The following CLYBL variants were observed in gnomAD, a reference collection of about 807,000 sequenced individuals.
CLYBL encodes the protein citramalyl-CoA lyase, mitochondrial.
Under a neutral mutation model 38.9 loss-of-function variants are expected in CLYBL, and 31 were observed. The ratio of observed to expected loss-of-function variants is 0.80; its 90% CI spans 0.60 to 1.08. The LOEUF (loss-of-function observed/expected upper bound fraction) is 1.08. Ranked by LOEUF, CLYBL falls within the 50% of genes least tolerant of loss-of-function variation. The pLI is 0.00. For synonymous variants in CLYBL, 171 were observed against 158.6 expected (o/e 1.08, Z -0.59); for missense variants, 434 against 411.6 (o/e 1.05, Z -0.47).
intron 2 of CLYBL, among the ~76,000 whole-genome samples, chr13:99,802,808 A>T (rs971655027): frequency 2.0e-5 from 3 of 152,152 alleles, no homozygotes; most frequent in Admixed American, 2.0e-4. Flanking sequence ...TTCCAGGACT[A>T]CTCAGACTCA....
chr13:99,720,333 G>C (rs2048375725), intron 1 of CLYBL, among the ~76,000 whole-genome samples: 1 of 151,974 alleles, frequency 6.6e-6, no homozygotes, highest in Admixed American at 6.6e-5. Context: ...CGTATTCCCT[G>C]TGTAGCATGT....
chr13:99,644,210 A>T (rs34969571), intron 1 of CLYBL, among the ~76,000 whole-genome samples: 3 of 139,796 alleles, frequency 2.1e-5, no homozygotes, highest in African/African-American at 8.1e-5. Context: ...GTGTATGTGT[A>T]TATGTGGTGT....
rs186449980 is a variant in CLYBL, at chr13:99,770,359, C to T, written c.63-2465C>T. ...TTGAGACGGAGTCTCGCTCTGTCAC[C>T]CAGGGTAGAGTACAGTGGCGCAATC... On this transcript the variant is annotated intron_variant, in intron 1 of 8. Coordinates refer to ENST00000339105, the MANE Select transcript of CLYBL (RefSeq NM_206808.5). Among the ~76,000 whole-genome samples, 11 of 152,134 alleles carry T rather than the reference C, an allele frequency of 7.2e-5. No individual in the cohort carries two copies. The East Asian group carries it at 2.1e-3, about 29-fold the overall frequency.
chr13:99,621,471 G>C (rs1419854622), intron 1 of CLYBL, among the ~76,000 whole-genome samples: 1 of 152,096 alleles, frequency 6.6e-6, no homozygotes, highest in Non-Finnish European at 1.5e-5. Flanking sequence ...ACCCTTCCCT[G>C]TGTTAAGGTG....
chr13:99,888,697 C>G (rs941380457), intron 7 of CLYBL, among the ~76,000 whole-genome samples: 1 of 151,954 alleles, frequency 6.6e-6, no homozygotes, highest in Non-Finnish European at 1.5e-5. Context: ...TGCAGTGAGC[C>G]GAGGTAACAC....
intron 2 of CLYBL, among the ~76,000 whole-genome samples, chr13:99,794,385 A>T (rs1175378811): frequency 1.3e-5 from 2 of 152,012 alleles, no homozygotes; most frequent in African/African-American, 4.8e-5. Flanking sequence ...GCACCACTGC[A>T]CTCCAGCGTG....
At position 99,797,560 on chromosome 13, in the gene CLYBL, T is replaced by TTGTG. The variant is rs3033584; in HGVS notation, c.249+24578_249+24581dup. On this transcript the variant is annotated intron_variant, in intron 2 of 8. Coordinates refer to ENST00000339105, the MANE Select transcript of CLYBL (RefSeq NM_206808.5). Reference sequence around the variant, plus strand: ...TTTCTGTGTCTGCCATGTTAGCTGTTTGTGTGTGTGTGTGTGTGTGTGTGT... The same window carrying TTGTG: ...TTTCTGTGTCTGCCATGTTAGCTGTTTGTGTGTGTGTGTGTGTGTGTGTGTGTGT... Among the ~76,000 whole-genome samples, 306 of 141,812 alleles carry TTGTG rather than the reference T, an allele frequency of 2.2e-3. 1 individual carries two copies. Among genetic ancestry groups the TTGTG allele is most frequent in the South Asian group, 2.8e-3 (12 of 4,224 alleles). The allele number at this position is 141,812 out of a possible 152,430, so 93.0% of individuals were successfully genotyped here. A position where few individuals can be genotyped will look rare whatever the true frequency, so the allele number is the denominator to read the frequency against.
At chr13:99,742,854 G>C (rs1456801570) in intron 1 of CLYBL, among the ~76,000 whole-genome samples, 3 of 152,052 alleles carry the variant, frequency 2.0e-5, no homozygotes, top group Non-Finnish European at 4.4e-5. Context: ...GGGACTGTTT[G>C]GTTTGGAAAA....
At chr13:99,784,744 G>A (rs536781377) in intron 2 of CLYBL, among the ~76,000 whole-genome samples, 53 of 151,428 alleles carry the variant, frequency 3.5e-4, no homozygotes, top group Non-Finnish European at 7.7e-4. Flanking sequence ...GTAGGCCACC[G>A]TGCCCAGCTG....
chr13:99,611,844 G>A (rs895386826), intron 1 of CLYBL, among the ~76,000 whole-genome samples: 1 of 152,188 alleles, frequency 6.6e-6, no homozygotes, highest in African/African-American at 2.4e-5. Flanking sequence ...TATCTTTGAA[G>A]GACTATGTCC....
chr13:99,901,721 G>A (rs1305406199), downstream of CLYBL, among the ~76,000 whole-genome samples: 2 of 150,756 alleles, frequency 1.3e-5, no homozygotes, highest in African/African-American at 2.4e-5. Context: ...GTCCAGTGGC[G>A]CAATTTCAGC....
Position 99,865,111 on chromosome 13 carries a change from ACT to A in CLYBL, c.634+201_634+202del, listed in dbSNP as rs2051710303. The A allele has an allele frequency of 6.5e-6, 4 of 613,348 alleles. No homozygotes were observed. The highest frequency in any genetic ancestry group is 3.7e-5 in the African/African-American group (2 of 54,592). The allele number at this position is 613,348 out of a possible 1,614,324, so 38.0% of individuals were successfully genotyped here. A position where few individuals can be genotyped will look rare whatever the true frequency, so the allele number is the denominator to read the frequency against. On this transcript the variant is annotated intron_variant, in intron 5 of 8. Transcript: ENST00000339105. This position sits in a 1 kb window ranked among gnomAD's most constrained non-coding sequence, Gnocchi z 4.7. Reference sequence around the variant, plus strand: ...CTCATAGCTGCCCTGCTTCTAGAGCACTGCATTATTACTTCTGTTCATTTATA... The same window carrying A: ...CTCATAGCTGCCCTGCTTCTAGAGCAGCATTATTACTTCTGTTCATTTATA...
Position 99,813,390 on chromosome 13 carries a change from T to G in CLYBL, c.249+40380T>G, listed in dbSNP as rs190232260. Among the ~76,000 whole-genome samples the G allele has an allele frequency of 1.9e-3, 285 of 152,362 alleles. 2 individuals are homozygous for G. Among genetic ancestry groups the G allele is most frequent in the South Asian group, 9.9e-3 (48 of 4,830 alleles). ...TCAAGTGCAAGAACAGTAATACTAG[T>G]ATTTATTTAGTACTTTGCATTTCTG... On this transcript the variant is annotated intron_variant, in intron 2 of 8. Coordinates refer to ENST00000339105, the MANE Select transcript of CLYBL (RefSeq NM_206808.5).
intron 1 of CLYBL, among the ~76,000 whole-genome samples, chr13:99,607,535 G>T (rs1193907370): frequency 6.6e-6 from 1 of 152,176 alleles, no homozygotes; most frequent in Non-Finnish European, 1.5e-5. Flanking sequence ...AGAACCGCTG[G>T]TCTAGCACTT....
chr13:99,664,252 A>G (rs930807476), intron 1 of CLYBL, among the ~76,000 whole-genome samples: 2 of 152,254 alleles, frequency 1.3e-5, no homozygotes, highest in Non-Finnish European at 2.9e-5. Flanking sequence ...CTTTAAGGAA[A>G]ATAAAGGTTA....
chr13:99,851,102 G>T (rs2051318471), intron 2 of CLYBL, among the ~76,000 whole-genome samples: 1 of 152,122 alleles, frequency 6.6e-6, no homozygotes, highest in Admixed American at 6.5e-5. Flanking sequence ...GCCAGGTGTG[G>T]TGGCTCATGC....
chr13:99,876,245 C>A (rs1266637832), intron 7 of CLYBL, among the ~76,000 whole-genome samples: 9 of 150,756 alleles, frequency 6.0e-5, no homozygotes, highest in Non-Finnish European at 1.3e-4. Flanking sequence ...CATAGTAAAA[C>A]CCCGTCTCTA....
intron 1 of CLYBL, among the ~76,000 whole-genome samples, chr13:99,618,973 C>T (rs1016625131): frequency 6.6e-6 from 1 of 152,140 alleles, no homozygotes; most frequent in African/African-American, 2.4e-5. Context: ...ATTTGAGTAT[C>T]ACTGCCACCT....
At chr13:99,826,100 C>A (rs1343988396) in intron 2 of CLYBL, among the ~76,000 whole-genome samples, 1 of 152,172 alleles carries the variant, frequency 6.6e-6, no homozygotes, top group Non-Finnish European at 1.5e-5. Flanking sequence ...CTGTGATGGT[C>A]AATTTTAAGT....
Sources: allele counts gnomAD v4.1 joint callset (sites outside exome capture counted in the v4.1 genomes callset), GRCh38; gene constraint gnomAD v4.1.1; non-coding constraint Gnocchi (gnomAD v3.1); transcripts MANE v1.5; gene names NCBI Gene and HGNC (gene_info 2026-07-23, HGNC 2026-07-21).